DOK6: variants seen among roughly 807,000 people sequenced by gnomAD.
The protein encoded by DOK6 is downstream of tyrosine kinase 6.
Under a neutral mutation model 44.0 loss-of-function variants are expected in DOK6, and 22 were observed. That is an observed-to-expected ratio of 0.50 (90% CI 0.36 to 0.71). The LOEUF (loss-of-function observed/expected upper bound fraction) is 0.71. DOK6 is among the 30% of genes least tolerant of loss of function. The pLI is 0.00. For missense variants in DOK6, 340 were observed against 416.4 expected (o/e 0.82, Z 1.60); for synonymous variants, 166 against 145.5 (o/e 1.14, Z -1.01).
intron 3 of DOK6, among the ~76,000 whole-genome samples, chr18:69,605,955 G>A (rs1387472029): frequency 6.6e-6 from 1 of 151,970 alleles, no homozygotes; most frequent in Non-Finnish European, 1.5e-5. Context: ...CCCATTTTTT[G>A]AAGGCGACAT....
intron 1 of DOK6, among the ~76,000 whole-genome samples, chr18:69,538,723 C>T (rs1042871680): frequency 6.6e-6 from 1 of 152,172 alleles, no homozygotes; most frequent in Non-Finnish European, 1.5e-5. Context: ...CTGCCTTGCT[C>T]ACCAGGATAT....
intron 5 of DOK6, among the ~76,000 whole-genome samples, chr18:69,710,637 A>C (rs1043682525): frequency 6.6e-6 from 1 of 152,236 alleles, no homozygotes; most frequent in East Asian, 1.9e-4. Context: ...ATTAGTGCTA[A>C]TGTAGAGCAA....
chr18:69,712,042 G>C (rs1986768478), intron 5 of DOK6, among the ~76,000 whole-genome samples: 1 of 151,738 alleles, frequency 6.6e-6, no homozygotes, highest in African/African-American at 2.4e-5. Flanking sequence ...AGCACTTTGG[G>C]AGGCCGAGGC....
intron 6 of DOK6, among the ~76,000 whole-genome samples, chr18:69,757,036 C>CTAT (rs774556573): frequency 6.6e-6 from 1 of 152,220 alleles, no homozygotes; most frequent in Non-Finnish European, 1.5e-5. Flanking sequence ...CCAATGTAAA[C>CTAT]TATTATTTTC....
intron 1 of DOK6, among the ~76,000 whole-genome samples, chr18:69,462,324 C>T (rs1979811240): frequency 6.6e-6 from 1 of 152,054 alleles, no homozygotes; most frequent in Non-Finnish European, 1.5e-5. Flanking sequence ...TAAATGAAAT[C>T]TTAGCTATTG....
At chr18:69,586,505 C>T (rs1983504156) in intron 2 of DOK6, among the ~76,000 whole-genome samples, 1 of 152,192 alleles carries the variant, frequency 6.6e-6, no homozygotes, top group Non-Finnish European at 1.5e-5. Flanking sequence ...TGATTGGTTA[C>T]AAAGAACAGA....
At chr18:69,516,419 A>G (rs1005288073) in intron 1 of DOK6, among the ~76,000 whole-genome samples, 3 of 152,202 alleles carry the variant, frequency 2.0e-5, no homozygotes, top group African/African-American at 7.2e-5. Flanking sequence ...AAGTGAACTG[A>G]GTCTTAACTT....
At chr18:69,666,436 A>AT (rs57588383) in intron 3 of DOK6, among the ~76,000 whole-genome samples, 5,258 of 151,124 alleles carry the variant, frequency 0.035, 263 homozygotes, top group African/African-American at 0.11. Context: ...TATTTCTTTT[A>AT]TTTTTTTTTA....
intron 5 of DOK6, among the ~76,000 whole-genome samples, chr18:69,711,267 A>G (rs1036945594): frequency 6.6e-6 from 1 of 152,240 alleles, no homozygotes; most frequent in Non-Finnish European, 1.5e-5. Context: ...TTAGTAGGCA[A>G]TTAGCACCTA....
At chr18:69,580,567 T>C (rs1983344575) in intron 2 of DOK6, among the ~76,000 whole-genome samples, 1 of 152,194 alleles carries the variant, frequency 6.6e-6, no homozygotes, top group Non-Finnish European at 1.5e-5. Context: ...ACATAATAAT[T>C]GTACATATTT....
chr18:69,539,400 T>G (rs1473644452), intron 1 of DOK6, among the ~76,000 whole-genome samples: 1 of 152,090 alleles, frequency 6.6e-6, no homozygotes, highest in Non-Finnish European at 1.5e-5. Context: ...GTTCTAGAGT[T>G]TTTTTGTGAA....
At chr18:69,566,011 T>C (rs892729463) in intron 2 of DOK6, among the ~76,000 whole-genome samples, 4 of 152,236 alleles carry the variant, frequency 2.6e-5, no homozygotes, top group Non-Finnish European at 2.9e-5. Context: ...AAAATTTTGA[T>C]GGGCTGAGCA....
chr18:69,758,384 G>C (rs1599309291), intron 7 of DOK6, among the ~76,000 whole-genome samples: 1 of 152,256 alleles, frequency 6.6e-6, no homozygotes, highest in Middle Eastern at 3.4e-3. Context: ...GGGGCCACAT[G>C]TAGATACTTT....
intron 1 of DOK6, among the ~76,000 whole-genome samples, chr18:69,467,328 T>TA (rs1325430378): frequency 6.6e-6 from 1 of 152,090 alleles, no homozygotes; most frequent in East Asian, 1.9e-4. Flanking sequence ...ATGAATGGAA[T>TA]AAAAAACAAG....
rs546976951 is a variant in DOK6 at position 69,532,470 on chromosome 18, C to A, written c.67-32017C>A. ...AATTTGCAGGTCAGAGTGTACTTACCCAGTCAAAAATCTAATTGAACAAGT... is the reference window on the plus strand; with the variant it reads ...AATTTGCAGGTCAGAGTGTACTTACACAGTCAAAAATCTAATTGAACAAGT... On this transcript the variant is annotated intron_variant, in intron 1 of 7. Transcript: ENST00000382713. Among the ~76,000 whole-genome samples, 4 of 152,134 alleles carry A rather than the reference C, an allele frequency of 2.6e-5. No homozygotes were observed. The East Asian group carries it at 7.7e-4, about 29-fold the overall frequency.
At chr18:69,626,966 G>A (rs564480974) in intron 3 of DOK6, among the ~76,000 whole-genome samples, 7 of 152,146 alleles carry the variant, frequency 4.6e-5, no homozygotes, top group Non-Finnish European at 1.0e-4. Flanking sequence ...TGGTGAGAGG[G>A]GTCAGGCCTA....
intron 1 of DOK6, among the ~76,000 whole-genome samples, chr18:69,461,608 T>G (rs940893625): frequency 3.9e-5 from 6 of 152,210 alleles, no homozygotes; most frequent in Non-Finnish European, 7.3e-5. Flanking sequence ...TCCTCCAATC[T>G]TTATATTATT....
At chr18:69,803,459 T>C (rs536186914) in intron 7 of DOK6, among the ~76,000 whole-genome samples, 1 of 152,276 alleles carries the variant, frequency 6.6e-6, no homozygotes, top group Middle Eastern at 3.4e-3. Context: ...TGTATAAAAA[T>C]GCACCAAGCA....
chr18:69,780,385 A>G (rs1854495962), intron 7 of DOK6, among the ~76,000 whole-genome samples: 1 of 152,194 alleles, frequency 6.6e-6, no homozygotes, highest in African/African-American at 2.4e-5. Context: ...TGAGGTCAGG[A>G]GTTCAAGACC....
Sources: gnomAD v4.1 joint callset for allele counts (sites outside exome capture counted in the v4.1 genomes callset) on GRCh38, gnomAD v4.1.1 for gene constraint, MANE v1.5 for transcripts, NCBI Gene and HGNC (gene_info 2026-07-23, HGNC 2026-07-21) for gene names.